ENPP3: variants seen among roughly 807,000 people sequenced by gnomAD.
The protein encoded by ENPP3 is ectonucleotide pyrophosphatase/phosphodiesterase 3, also known as ectonucleotide pyrophosphatase/phosphodiesterase family member 3.
ENPP3 carries 104 observed loss-of-function variants against 117.8 expected under a neutral mutation model. The observed-to-expected ratio is 0.88, with a 90% CI of 0.75 to 1.04. The LOEUF is 1.04. ENPP3 is among the 50% of genes least tolerant of loss of function. The pLI is 0.00. For synonymous variants in ENPP3, 380 were observed against 349.9 expected, an observed-to-expected ratio of 1.09 and a Z score of -0.96; for missense variants, 1,026 against 1,051.9, an observed-to-expected ratio of 0.98 and a Z score of 0.34.
At chr6:131,737,460 T>A in intron 22 of ENPP3, 28 bp downstream of exon 22, 1 of 1,278,732 alleles carries the variant, frequency 7.8e-7, no homozygotes, top group Non-Finnish European at 1.1e-6. Flanking sequence ...GTATTAATTT[T>A]AAAATAGTTA....
chr6:131,688,467 TCAAA>T (rs1446311583), intron 14 of ENPP3, among the ~76,000 whole-genome samples: 2 of 152,182 alleles, frequency 1.3e-5, no homozygotes, highest in East Asian at 1.9e-4. Context: ...GCCTGTTGCA[TCAAA>T]CAGTTAGCCA....
chr6:131,731,861 T>C (rs924228632), intron 20 of ENPP3, among the ~76,000 whole-genome samples: 1 of 152,250 alleles, frequency 6.6e-6, no homozygotes, highest in Non-Finnish European at 1.5e-5. Flanking sequence ...CTTAATGGAA[T>C]TTTAGAAGGG....
chr6:131,677,810 C>A, intron 10 of ENPP3, 58 bp from the exon 11 acceptor site: 3 of 1,137,090 alleles, frequency 2.6e-6, no homozygotes, highest in African/African-American at 1.5e-5. Flanking sequence ...ATCCCCCAAT[C>A]CAGCCTGTAT....
intron 20 of ENPP3, 58 bp downstream of exon 20, chr6:131,726,258 T>C: frequency 6.7e-7 from 1 of 1,498,088 alleles, no homozygotes; most frequent in Non-Finnish European, 9.2e-7. Context: ...TCCTTTCATA[T>C]TCTAAGAGTT....
intron 11 of ENPP3, among the ~76,000 whole-genome samples, chr6:131,679,011 T>TCTCTC (rs1778950491): frequency 2.2e-5 from 2 of 89,988 alleles, no homozygotes; most frequent in African/African-American, 9.7e-5. Context: ...GCTTCCTTCC[T>TCTCTC]TCCTTCCTTC....
intron 11 of ENPP3, among the ~76,000 whole-genome samples, chr6:131,680,547 A>G (rs1003361080): frequency 6.6e-6 from 1 of 152,048 alleles, no homozygotes; most frequent in African/African-American, 2.4e-5. Context: ...AAAGAGAGAA[A>G]ATAGAAGGGT....
At chr6:131,734,120 C>G (rs1213552530) in intron 21 of ENPP3, among the ~76,000 whole-genome samples, 1 of 151,986 alleles carries the variant, frequency 6.6e-6, no homozygotes, top group Non-Finnish European at 1.5e-5. Context: ...TTTGGCAGAA[C>G]ATGTACTAAA....
intron 11 of ENPP3, among the ~76,000 whole-genome samples, chr6:131,682,580 C>T (rs1225072203): frequency 3.9e-5 from 6 of 152,240 alleles, no homozygotes; most frequent in Admixed American, 1.3e-4. Flanking sequence ...TGCAAGTCTC[C>T]ATTTGTACTC....
chr6:131,639,252 T>TAC lies in ENPP3; in HGVS notation c.78+1791_78+1792insCA, dbSNP rs200713845. ...TCTTTATAGCTCTTATGCTAATATA[T>TAC]ATATATATATATATTTTTTTTTTTT... On this transcript the variant is annotated intron_variant, in intron 1 of 24. Transcript: ENST00000357639. 6.0e-3 allele frequency among the ~76,000 whole-genome samples: 335 copies of TAC among 55,878 alleles called. 2 individuals carry two copies. The highest frequency in any genetic ancestry group is 0.034 in the African/African-American group (315 of 9,210). 36.7% of individuals were successfully genotyped at this position (55,878 alleles called of 152,430 possible).
chr6:131,677,162 G>A (rs1778887360), intron 10 of ENPP3, among the ~76,000 whole-genome samples: 1 of 152,156 alleles, frequency 6.6e-6, no homozygotes, highest in South Asian at 2.1e-4. Flanking sequence ...CTTGAGCCCA[G>A]AAGTTTGAGG....
intron 5 of ENPP3, among the ~76,000 whole-genome samples, chr6:131,656,796 C>A (rs937041874): frequency 6.6e-6 from 1 of 151,374 alleles, no homozygotes; most frequent in African/African-American, 2.4e-5. Context: ...TGTTGTAAGA[C>A]CAGGAAATGT....
intron 5 of ENPP3, among the ~76,000 whole-genome samples, chr6:131,656,553 G>T (rs553963806): frequency 2.0e-4 from 31 of 152,110 alleles, no homozygotes; most frequent in Non-Finnish European, 4.3e-4. Flanking sequence ...AGATCACGAA[G>T]TCAGGAGATT....
At chr6:131,734,072 A>G (rs943861544) in intron 21 of ENPP3, among the ~76,000 whole-genome samples, 2 of 152,190 alleles carry the variant, frequency 1.3e-5, no homozygotes, top group Non-Finnish European at 2.9e-5. Context: ...TGGAGAATAC[A>G]GCTGTGCCCG....
chr6:131,703,682 G>T (rs927462426), intron 15 of ENPP3, among the ~76,000 whole-genome samples: 5 of 149,754 alleles, frequency 3.3e-5, no homozygotes, highest in African/African-American at 1.3e-4. Context: ...ATATAGAAAA[G>T]GCAAACATTT....
At chr6:131,674,368 T>G in intron 8 of ENPP3, 87 bp downstream of exon 8, 1 of 1,300,634 alleles carries the variant, frequency 7.7e-7, no homozygotes, top group Non-Finnish European at 1.1e-6. Flanking sequence ...GTGGAGCAAG[T>G]TCTATGTCAC....
intron 24 of ENPP3, among the ~76,000 whole-genome samples, chr6:131,745,256 CAT>C (rs1189094440): frequency 1.3e-5 from 2 of 150,208 alleles, no homozygotes; most frequent in African/African-American, 2.4e-5. Context: ...ATAACTCTAA[CAT>C]GGCGCATTTT....
At chr6:131,720,794 A>G (rs1780000644) in intron 17 of ENPP3, among the ~76,000 whole-genome samples, 2 of 152,126 alleles carry the variant, frequency 1.3e-5, no homozygotes, top group South Asian at 4.1e-4. Flanking sequence ...CATGTTGGCC[A>G]GGCTGGTCTC....
intron 13 of ENPP3, among the ~76,000 whole-genome samples, 157 bp from the exon 14 acceptor site, chr6:131,685,719 C>A (rs1313247128): frequency 6.6e-6 from 1 of 152,120 alleles, no homozygotes; most frequent in Non-Finnish European, 1.5e-5. Flanking sequence ...GTTCTAAATG[C>A]TAAAATAATT....
At chr6:131,693,424 A>T in intron 14 of ENPP3, 73 bp from the exon 15 acceptor site, 1 of 1,338,794 alleles carries the variant, frequency 7.5e-7, no homozygotes, top group Admixed American at 2.1e-5. Flanking sequence ...TCATAAATTG[A>T]TGTAGAAGAT....
Sources: allele counts gnomAD v4.1 joint callset (sites outside exome capture counted in the v4.1 genomes callset), GRCh38; gene constraint gnomAD v4.1.1; transcripts MANE v1.5; gene names NCBI Gene and HGNC (gene_info 2026-07-23, HGNC 2026-07-21).